Variants in WIF1 observed in about 807,000 individuals in gnomAD.
WIF1 encodes Wnt inhibitory factor 1.
Under a neutral mutation model 53.5 loss-of-function variants are expected in WIF1, and 35 were observed. That is an observed-to-expected ratio of 0.65 (90% CI 0.50 to 0.87). The LOEUF (loss-of-function observed/expected upper bound fraction) is 0.87, where lower values mean the gene tolerates loss of function less well. WIF1 is among the 40% of genes least tolerant of loss of function. The pLI, the probability that WIF1 is intolerant of heterozygous loss-of-function variation, is 0.00. For synonymous variants in WIF1, 171 were observed against 170.4 expected (o/e 1.00, Z -0.03); for missense variants, 467 against 476.8 (o/e 0.98, Z 0.19).
At chr12:65,079,542 C>T (rs2136622776) in intron 2 of WIF1, among the ~76,000 whole-genome samples, 1 of 150,580 alleles carries the variant, frequency 6.6e-6, no homozygotes. Flanking sequence ...CAGCTTCCAG[C>T]TTGAACCTGG....
chr12:65,058,795 A>G (rs1342691154), intron 7 of WIF1, among the ~76,000 whole-genome samples: 14 of 152,186 alleles, frequency 9.2e-5, no homozygotes, highest in Admixed American at 8.5e-4. Flanking sequence ...CTCGCCTGTA[A>G]TCCCAGCACT....
chr12:65,084,914 C>T (rs956641807), intron 2 of WIF1, among the ~76,000 whole-genome samples: 16 of 152,068 alleles, frequency 1.1e-4, no homozygotes, highest in African/African-American at 3.4e-4. Flanking sequence ...GAATACAGAG[C>T]ACTTTTGAAA....
chr12:65,075,926 G>T (rs1369638204), intron 3 of WIF1, among the ~76,000 whole-genome samples: 4 of 152,084 alleles, frequency 2.6e-5, no homozygotes, highest in Non-Finnish European at 5.9e-5. Flanking sequence ...AATGAGCATG[G>T]TACACATTTT....
At chr12:65,087,828 GA>G (rs919893878) in intron 2 of WIF1, among the ~76,000 whole-genome samples, 6 of 150,286 alleles carry the variant, frequency 4.0e-5, no homozygotes, top group Middle Eastern at 3.2e-3. Flanking sequence ...AGTCAAACAG[GA>G]AAAAAAAAGT....
intron 2 of WIF1, among the ~76,000 whole-genome samples, chr12:65,100,338 C>T (rs1452161249): frequency 1.3e-5 from 2 of 152,130 alleles, no homozygotes; most frequent in South Asian, 4.1e-4. Flanking sequence ...ACTTACTGAT[C>T]CCCCACTGCC....
At chr12:65,112,426 A>ACACACACACG (rs1883446321) in intron 2 of WIF1, among the ~76,000 whole-genome samples, 1 of 150,872 alleles carries the variant, frequency 6.6e-6, no homozygotes, top group Non-Finnish European at 1.5e-5. Context: ...ACACACACAC[A>ACACACACACG]CACACACACA....
intron 6 of WIF1, 131 bp downstream of exon 6, chr12:65,066,510 A>G (rs1469434286): frequency 1.9e-5 from 12 of 636,342 alleles, no homozygotes; most frequent in Non-Finnish European, 2.9e-5. Flanking sequence ...TTCAGTTACT[A>G]TAGCAGCCAT....
intron 2 of WIF1, chr12:65,083,814 TTCCTC>T: frequency 3.1e-6 from 1 of 319,066 alleles, no homozygotes; most frequent in South Asian, 2.4e-5. Flanking sequence ...TTCCTTTCCT[TTCCTC>T]TCCTCTTTTC....
intron 2 of WIF1, among the ~76,000 whole-genome samples, chr12:65,081,567 C>CA (rs1882951496): frequency 6.6e-6 from 1 of 152,192 alleles, no homozygotes; most frequent in Non-Finnish European, 1.5e-5. Flanking sequence ...ATCAATAACA[C>CA]ACTTTACACA....
chr12:65,084,020 T>C (rs192933740), intron 2 of WIF1, among the ~76,000 whole-genome samples: 3 of 152,036 alleles, frequency 2.0e-5, no homozygotes, highest in African/African-American at 7.2e-5. Context: ...AATTTCTTTT[T>C]AGCTGCCAAT....
chr12:65,077,422 A>G (rs941863934), intron 3 of WIF1, among the ~76,000 whole-genome samples: 2 of 152,046 alleles, frequency 1.3e-5, no homozygotes, highest in Admixed American at 6.6e-5. Context: ...TGTGTATCTC[A>G]TTAATCCATA....
At chr12:65,061,370 A>G (rs1882609020) in intron 7 of WIF1, among the ~76,000 whole-genome samples, 1 of 152,214 alleles carries the variant, frequency 6.6e-6, no homozygotes, top group African/African-American at 2.4e-5. Flanking sequence ...TTTTACAGAT[A>G]CAGCTGGAAA....
chr12:65,088,215 G>C (rs1883070160), intron 2 of WIF1, among the ~76,000 whole-genome samples: 1 of 152,036 alleles, frequency 6.6e-6, no homozygotes, highest in African/African-American at 2.4e-5. Flanking sequence ...CTCCCTTCTT[G>C]TACACACAAC....
chr12:65,107,918 C>T (rs117105531), intron 2 of WIF1, among the ~76,000 whole-genome samples: 1,822 of 152,136 alleles, frequency 0.012, 21 homozygotes, highest in Middle Eastern at 0.02. Context: ...AGCTGAAGGC[C>T]GACTATAGTA....
chr12:65,073,068 C>T (rs941525554), intron 3 of WIF1, among the ~76,000 whole-genome samples: 5 of 152,134 alleles, frequency 3.3e-5, no homozygotes, highest in Admixed American at 1.3e-4. Context: ...GCATGGTGCT[C>T]AGATAGCCTC....
At chr12:65,067,567 C>T in intron 5 of WIF1, 128 bp downstream of exon 5, 1 of 945,384 alleles carries the variant, frequency 1.1e-6, no homozygotes. Flanking sequence ...GGCATTGTGC[C>T]AAAATTTTCT....
chr12:65,057,685 T>C (rs1468739909), intron 7 of WIF1, among the ~76,000 whole-genome samples: 1 of 152,162 alleles, frequency 6.6e-6, no homozygotes, highest in Non-Finnish European at 1.5e-5. Context: ...TCTAGGTACA[T>C]AAGGAGAAGT....
intron 6 of WIF1, among the ~76,000 whole-genome samples, chr12:65,065,395 G>A (rs1489663543): frequency 6.6e-6 from 1 of 152,086 alleles, no homozygotes; most frequent in Non-Finnish European, 1.5e-5. Flanking sequence ...ACCTACTCAA[G>A]TTCCATAAAC....
intron 2 of WIF1, among the ~76,000 whole-genome samples, chr12:65,102,033 A>C (rs562404479): frequency 6.6e-6 from 1 of 152,356 alleles, no homozygotes; most frequent in East Asian, 1.9e-4. Context: ...TGTACACATT[A>C]TGCAACTGCA....
Sources: gnomAD v4.1 joint callset for allele counts (sites outside exome capture counted in the v4.1 genomes callset) on GRCh38, gnomAD v4.1.1 for gene constraint, MANE v1.5 for transcripts, NCBI Gene and HGNC (gene_info 2026-07-23, HGNC 2026-07-21) for gene names.